Variants in UGT1A9 observed in about 807,000 individuals in gnomAD.
UGT1A9 encodes UDP-glucuronosyltransferase 1A9.
A neutral mutation model predicts 45.0 loss-of-function variants in UGT1A9; 35 were observed. The ratio of observed to expected loss-of-function variants is 0.78; its 90% CI spans 0.59 to 1.03. The LOEUF (loss-of-function observed/expected upper bound fraction) is 1.03, where lower values mean the gene tolerates loss of function less well. Ranked by LOEUF, UGT1A9 falls within the 50% of genes least tolerant of loss-of-function variation. UGT1A9 has a pLI of 0.00. For synonymous variants in UGT1A9, 278 were observed against 250.6 expected, an observed-to-expected ratio of 1.11 and a Z score of -1.03; for missense variants, 687 against 666.6, an observed-to-expected ratio of 1.03 and a Z score of -0.34.
intron 1 of UGT1A9, chr2:233,754,969 T>C: frequency 7.7e-7 from 1 of 1,302,646 alleles, no homozygotes; most frequent in African/African-American, 1.5e-5. Flanking sequence ...AAGAACTCCC[T>C]GAAGACCTCG....
chr2:233,690,565 A>C, intron 1 of UGT1A9: 1 of 1,289,360 alleles, frequency 7.8e-7, no homozygotes, highest in South Asian at 1.2e-5. Context: ...AGCCTGAGTC[A>C]TTCAGCCTGC....
At chr2:233,695,006 T>C (rs184131537) in intron 1 of UGT1A9, among the ~76,000 whole-genome samples, 12 of 152,350 alleles carry the variant, frequency 7.9e-5, no homozygotes, top group African/African-American at 2.2e-4. Context: ...TCTTCATTTC[T>C]AGCTATTTTG....
intron 4 of UGT1A9, among the ~76,000 whole-genome samples, chr2:233,768,946 C>T (rs1699761608): frequency 6.6e-6 from 1 of 152,058 alleles, no homozygotes. Context: ...TCTTTAGTTT[C>T]TATATAATTT....
intron 1 of UGT1A9, chr2:233,747,117 G>C: frequency 6.9e-7 from 1 of 1,451,680 alleles, no homozygotes; most frequent in Non-Finnish European, 9.3e-7. Flanking sequence ...ATGATGATTT[G>C]CTAAGTGGCT....
chr2:233,755,134 ATCT>A (rs1231510836), intron 1 of UGT1A9: 15 of 1,316,668 alleles, frequency 1.1e-5, no homozygotes, highest in Non-Finnish European at 1.5e-5. Flanking sequence ...ACCTGCTTGA[ATCT>A]TCTCACCGCT....
rs904899091 is a variant in UGT1A9, at chr2:233,718,702, T to A, written c.855+45913T>A. ...TAAGTAACTGGAGGAGGGCACTTTG[T>A]CTTCCAATTACATGCTGATTTGCTA... is the stretch of plus-strand genomic sequence containing the variant. On this transcript the variant is annotated intron_variant, in intron 1 of 4. Coordinates refer to ENST00000354728, the MANE Select transcript of UGT1A9 (RefSeq NM_021027.3). The A allele has an allele frequency of 5.0e-6, 8 of 1,600,742 alleles. No homozygotes were observed. In the East Asian group the frequency reaches 1.8e-4, roughly 36 times the overall value.
At chr2:233,738,080 T>G (rs527833825) in intron 1 of UGT1A9, among the ~76,000 whole-genome samples, 181 of 152,280 alleles carry the variant, frequency 1.2e-3, no homozygotes, top group African/African-American at 4.2e-3. Context: ...CCTCCTAATC[T>G]CATCATAGTG....
intron 1 of UGT1A9, among the ~76,000 whole-genome samples, chr2:233,674,946 C>T (rs975095168): frequency 2.6e-5 from 4 of 152,206 alleles, no homozygotes; most frequent in East Asian, 3.8e-4. Context: ...CAGTTGGTTA[C>T]ATCTTGCTGG....
At chr2:233,726,854 A>G (rs980426931) in intron 1 of UGT1A9, among the ~76,000 whole-genome samples, 2 of 152,058 alleles carry the variant, frequency 1.3e-5, no homozygotes, top group Non-Finnish European at 2.9e-5. Context: ...CCTTTTCTCC[A>G]TAGTCTTCTA....
chr2:233,693,232 AATCT>A, intron 1 of UGT1A9: 1 of 1,614,188 alleles, frequency 6.2e-7, no homozygotes, highest in Non-Finnish European at 8.5e-7. Flanking sequence ...ACACAAGAAA[AATCT>A]ATCCAGTGCC....
intron 1 of UGT1A9, 77 bp from the exon 2 acceptor site, chr2:233,766,957 C>A: frequency 6.2e-7 from 1 of 1,604,766 alleles, no homozygotes; most frequent in East Asian, 2.2e-5. Context: ...AGGAAGATAT[C>A]TAATTCATAA....
At chr2:233,675,498 G>A (rs544445095) in intron 1 of UGT1A9, among the ~76,000 whole-genome samples, 2 of 152,262 alleles carry the variant, frequency 1.3e-5, no homozygotes, top group Admixed American at 6.5e-5. Context: ...GTGGGATATG[G>A]TTACAGATAA....
At chr2:233,768,085 C>T (rs1699559246) in intron 3 of UGT1A9, 135 bp from the exon 4 acceptor site, 1 of 1,591,380 alleles carries the variant, frequency 6.3e-7, no homozygotes, top group East Asian at 2.2e-5. Context: ...TATCTCAACC[C>T]ACATTTTCTT....
rs1699600557 is a variant in UGT1A9 at position 233,768,315 on chromosome 2, T to C, written c.1171T>C (p.Phe391Leu). The change falls in exon 4 of 5, where the codon TTT becomes CTT. Residue 391 changes from phenylalanine (F) to leucine (L), a missense_variant. Physicochemically the swap from Phe to Leu is conservative, Grantham distance 22. Coordinates refer to ENST00000354728, the MANE Select transcript of UGT1A9 (RefSeq NM_021027.3). ...CGTTCCCATGGTGATGATGCCCTTG[T>C]TTGGTGATCAGATGGACAATGCAAA... ...NGVPMVMMPLFGDQMDNAKRM... is the reference protein window; with the variant it reads ...NGVPMVMMPLLGDQMDNAKRM... 3 of 1,614,138 alleles carry C rather than the reference T, an allele frequency of 1.9e-6. No individual in the cohort carries two copies. Among genetic ancestry groups the C allele is most frequent in the South Asian group, 2.2e-5 (2 of 91,078 alleles).
chr2:233,767,701 T>A, intron 2 of UGT1A9, 148 bp from the exon 3 acceptor site: 2 of 1,506,270 alleles, frequency 1.3e-6, no homozygotes, highest in Admixed American at 2.1e-5. Flanking sequence ...AAGTTGCCAG[T>A]CCTCAGAAGC....
intron 1 of UGT1A9, among the ~76,000 whole-genome samples, chr2:233,680,065 C>G (rs1027801713): frequency 2.0e-5 from 3 of 151,886 alleles, no homozygotes; most frequent in African/African-American, 7.3e-5. Context: ...TGGTCCTTAT[C>G]TATCTTCATT....
rs770923488 is a variant in UGT1A9 at position 233,692,986 on chromosome 2, T to G, written c.855+20197T>G. On this transcript the variant is annotated intron_variant, in intron 1 of 4. Coordinates refer to ENST00000354728, the MANE Select transcript of UGT1A9 (RefSeq NM_021027.3). ...AGTGAAAACTCTTTATTACCGTTGT[T>G]ACTTTAACTCTTTCCAGGATGGCCT... 4 of 1,613,542 alleles carry G rather than the reference T, an allele frequency of 2.5e-6. No homozygotes were observed. In the East Asian group the frequency reaches 8.9e-5, roughly 36 times the overall value.
chr2:233,736,190 T>C (rs573636337), intron 1 of UGT1A9, among the ~76,000 whole-genome samples: 9 of 152,368 alleles, frequency 5.9e-5, no homozygotes, highest in African/African-American at 2.2e-4. Flanking sequence ...CCCATATTTC[T>C]TCAAGGCTTT....
At chr2:233,705,203 C>T (rs1366859032) in intron 1 of UGT1A9, among the ~76,000 whole-genome samples, 1 of 151,508 alleles carries the variant, frequency 6.6e-6, no homozygotes, top group Non-Finnish European at 1.5e-5. Flanking sequence ...CCTTTTATAA[C>T]TACATGATTA....
Sources: gnomAD v4.1 joint callset for allele counts (sites outside exome capture counted in the v4.1 genomes callset) on GRCh38, gnomAD v4.1.1 for gene constraint, MANE v1.5 for transcripts, NCBI Gene and HGNC (gene_info 2026-07-23, HGNC 2026-07-21) for gene names.